UNC13C: variants seen among roughly 807,000 people sequenced by gnomAD.
UNC13C encodes protein unc-13 homolog C.
In UNC13C, 174 loss-of-function variants were observed where a neutral mutation model predicts 245.4. The ratio of observed to expected loss-of-function variants is 0.71; its 90% CI spans 0.63 to 0.80. UNC13C has a LOEUF of 0.80. UNC13C is among the 30% of genes least tolerant of loss of function. UNC13C has a pLI of 0.00. For missense variants in UNC13C, 2,829 were observed against 2,602.9 expected (o/e 1.09, Z -1.89); for synonymous variants, 992 against 895.1 (o/e 1.11, Z -1.93).
chr15:54,136,090 T>G (rs577432436), intron 2 of UNC13C, among the ~76,000 whole-genome samples: 1 of 152,202 alleles, frequency 6.6e-6, no homozygotes, highest in African/African-American at 2.4e-5. Context: ...CCTCCTTCGT[T>G]AAATTTATAT....
chr15:54,305,054 A>G (rs1202014886), intron 13 of UNC13C, among the ~76,000 whole-genome samples: 1 of 152,126 alleles, frequency 6.6e-6, no homozygotes, highest in African/African-American at 2.4e-5. Context: ...TCCACGACTT[A>G]CAAATTGAAA....
intron 2 of UNC13C, among the ~76,000 whole-genome samples, chr15:54,031,924 TACA>T (rs1365138695): frequency 1.3e-5 from 2 of 152,236 alleles, no homozygotes; most frequent in African/African-American, 4.8e-5. Flanking sequence ...TTTTGCTTGT[TACA>T]ACATTTAATT....
At chr15:54,414,358 C>T (rs887387232) in intron 18 of UNC13C, among the ~76,000 whole-genome samples, 8 of 152,080 alleles carry the variant, frequency 5.3e-5, no homozygotes, top group Non-Finnish European at 8.8e-5. Flanking sequence ...CATAAAAAGA[C>T]GGAGTCGGCC....
intron 2 of UNC13C, among the ~76,000 whole-genome samples, chr15:54,063,723 C>T (rs1052594331): frequency 6.6e-6 from 1 of 152,096 alleles, no homozygotes; most frequent in South Asian, 2.1e-4. Context: ...AGTCTTTGTG[C>T]TAAGTGTGAA....
At chr15:54,125,428 A>G (rs530158813) in intron 2 of UNC13C, among the ~76,000 whole-genome samples, 1 of 152,074 alleles carries the variant, frequency 6.6e-6, no homozygotes, top group Admixed American at 6.6e-5. Flanking sequence ...GCGCCACTGC[A>G]CTCCAGCCCG....
At chr15:53,978,143 G>T (rs1324785698), upstream of UNC13C, among the ~76,000 whole-genome samples, 5 of 152,192 alleles carry the variant, frequency 3.3e-5, no homozygotes, top group African/African-American at 1.2e-4. Context: ...TATTATCCAC[G>T]CTATTCCACT....
At chr15:54,411,562 T>A (rs491328) in intron 18 of UNC13C, among the ~76,000 whole-genome samples, 148,426 of 152,212 alleles carry the variant, frequency 0.98, 72,417 homozygotes, top group Non-Finnish European at 0.99. Context: ...TTGCATGTGG[T>A]TATTCAAGTA....
intron 18 of UNC13C, among the ~76,000 whole-genome samples, chr15:54,406,149 T>C (rs2040288248): frequency 6.6e-6 from 1 of 152,144 alleles, no homozygotes; most frequent in Admixed American, 6.5e-5. Flanking sequence ...CCTGAATAAA[T>C]GATTAAATTT....
At chr15:53,861,584 G>C in the UNC13C span, among the ~76,000 whole-genome samples, 1 of 152,120 alleles carries the variant, frequency 6.6e-6, no homozygotes, top group African/African-American at 2.4e-5. Flanking sequence ...CTAGAAAACA[G>C]AGCCTGGGGC....
chr15:53,865,331 C>T, the UNC13C span, among the ~76,000 whole-genome samples: 805 of 152,254 alleles, frequency 5.3e-3, 2 homozygotes, highest in Admixed American at 7.3e-3. Context: ...AACTTAGTTT[C>T]TCACGGTTTT....
At chr15:54,031,788 A>G (rs1896368570) in intron 2 of UNC13C, among the ~76,000 whole-genome samples, 1 of 152,242 alleles carries the variant, frequency 6.6e-6, no homozygotes, top group Admixed American at 6.5e-5. Context: ...TAAAGCTTTG[A>G]TATGGCTGCA....
At position 54,321,806 on chromosome 15, in the gene UNC13C, A is replaced by T. The variant is rs779111071; in HGVS notation, c.4269-133A>T. Reference sequence around the variant, plus strand: ...GAAGGCCAAAATTGTTTTTCTTTCAATTAGAGATTGTGCAGTTTTCTCTCC... The same window carrying T: ...GAAGGCCAAAATTGTTTTTCTTTCATTTAGAGATTGTGCAGTTTTCTCTCC... On this transcript the variant is annotated intron_variant, in intron 13 of 32. Coordinates refer to ENST00000260323, the MANE Select transcript of UNC13C (RefSeq NM_001080534.3). 8 of 945,486 alleles carry T rather than the reference A, an allele frequency of 8.5e-6. No individual in the cohort carries two copies. In the African/African-American group the frequency reaches 1.2e-4, roughly 14 times the overall value. The allele number at this position is 945,486 out of a possible 1,614,324, so 58.6% of individuals were successfully genotyped here. A position where few individuals can be genotyped will look rare whatever the true frequency, so the allele number is the denominator to read the frequency against.
chr15:54,565,155 A>G (rs759341515), intron 29 of UNC13C, among the ~76,000 whole-genome samples: 2 of 151,880 alleles, frequency 1.3e-5, no homozygotes, highest in Non-Finnish European at 2.9e-5. Context: ...TGCCTCCCCC[A>G]TTATCTGTAT....
chr15:54,314,533 G>A (rs1389615018), intron 13 of UNC13C, among the ~76,000 whole-genome samples: 2 of 151,642 alleles, frequency 1.3e-5, no homozygotes, highest in Non-Finnish European at 3.0e-5. Context: ...AAGATACACT[G>A]CCTGAATTCC....
intron 2 of UNC13C, among the ~76,000 whole-genome samples, chr15:54,017,452 A>C (rs1400797009): frequency 2.0e-5 from 3 of 151,970 alleles, no homozygotes; most frequent in Non-Finnish European, 4.4e-5. Context: ...GAGTTTACTC[A>C]AAGGCAAATG....
intron 24 of UNC13C, among the ~76,000 whole-genome samples, chr15:54,520,108 G>C (rs1025317334): frequency 5.3e-5 from 8 of 152,156 alleles, no homozygotes; most frequent in Admixed American, 4.6e-4. Context: ...CAGTTAGGAG[G>C]ATGAAGGGGG....
chr15:53,877,218 A>T, the UNC13C span, among the ~76,000 whole-genome samples: 1 of 148,428 alleles, frequency 6.7e-6, no homozygotes, highest in Admixed American at 6.8e-5. Flanking sequence ...TGATTAGCTG[A>T]ATTATGCAAA....
At chr15:54,216,850 G>A (rs1254087542) in intron 4 of UNC13C, among the ~76,000 whole-genome samples, 1 of 151,930 alleles carries the variant, frequency 6.6e-6, no homozygotes, top group Non-Finnish European at 1.5e-5. Flanking sequence ...CTGAACTTAA[G>A]CCAGTTACAT....
intron 17 of UNC13C, among the ~76,000 whole-genome samples, chr15:54,365,570 A>G (rs1014350648): frequency 1.3e-5 from 2 of 152,090 alleles, no homozygotes; most frequent in African/African-American, 4.8e-5. Flanking sequence ...TATTCATAAG[A>G]TATCTTTTGT....
Sources: allele counts gnomAD v4.1 joint callset (sites outside exome capture counted in the v4.1 genomes callset), GRCh38; gene constraint gnomAD v4.1.1; transcripts MANE v1.5; gene names NCBI Gene and HGNC (gene_info 2026-07-23, HGNC 2026-07-21).